ACVR2A: variants seen among roughly 807,000 people sequenced by gnomAD.
ACVR2A encodes the protein activin A receptor type 2A.
A neutral mutation model predicts 61.4 loss-of-function variants in ACVR2A; 7 were observed. The observed-to-expected ratio is 0.11, with a 90% CI of 0.06 to 0.21. The LOEUF is 0.21. Ranked by LOEUF, ACVR2A falls within the 10% of genes least tolerant of loss-of-function variation. The probability of loss-of-function intolerance (pLI) is 1.00; values close to 1 mark genes in which losing one functional copy is unlikely to be tolerated. For synonymous variants in ACVR2A, 193 were observed against 208.3 expected, an observed-to-expected ratio of 0.93 and a Z score of 0.63; for missense variants, 322 against 621.7, an observed-to-expected ratio of 0.52 and a Z score of 5.13.
chr2:147,927,488 T>A lies in ACVR2A; in HGVS notation c.*214T>A. 2.3e-6 allele frequency: 1 copy of A among 443,032 alleles called. No individual in the cohort carries two copies. Among genetic ancestry groups the A allele is most frequent in the Non-Finnish European group, 3.9e-6 (1 of 255,948 alleles). The allele number at this position is 443,032 out of a possible 1,614,324, so 27.4% of individuals were successfully genotyped here. ...AAGGACATGAGACTAAGAGAAACCTTGCAAACTCTATAAAGAAACTTTTGA... is the reference window on the plus strand; with the variant it reads ...AAGGACATGAGACTAAGAGAAACCTAGCAAACTCTATAAAGAAACTTTTGA... On this transcript the variant is annotated 3_prime_UTR_variant, in exon 11 of 11. Coordinates refer to ENST00000241416, the MANE Select transcript of ACVR2A (RefSeq NM_001616.5).
At chr2:147,867,046 A>G (rs986249335) in intron 1 of ACVR2A, among the ~76,000 whole-genome samples, 1 of 152,196 alleles carries the variant, frequency 6.6e-6, no homozygotes, top group South Asian at 2.1e-4. Flanking sequence ...GTTTCATTGT[A>G]AGAAATCTAG....
chr2:147,888,679 T>TGC (rs1483325115), intron 1 of ACVR2A, among the ~76,000 whole-genome samples: 23 of 151,246 alleles, frequency 1.5e-4, no homozygotes, highest in Non-Finnish European at 2.7e-4. Context: ...CTGCTGCTGC[T>TGC]TCTTTTTTTT....
rs764876882 is a variant in ACVR2A, at chr2:147,920,338, T to C, written c.1071T>C (p.His357=). The C allele has an allele frequency of 6.5e-5, 104 of 1,609,506 alleles. No individual in the cohort carries two copies. Among genetic ancestry groups the C allele is most frequent in the Non-Finnish European group, 8.1e-5 (95 of 1,176,636 alleles). ...FEAGKSAGDT[H]GQVGTRRYMA... ...CTGGCAAGTCTGCAGGCGATACCCA[T>C]GGACAGGTAAGGATGATGATTATAA... The change falls in exon 8 of 11, where the codon CAT becomes CAC. Residue 357 remains histidine (H), a synonymous_variant. Transcript: ENST00000241416.
chr2:147,928,276 A>AGAG lies in ACVR2A; in HGVS notation c.*1003_*1005dup, dbSNP rs1687555164. 1.3e-5 allele frequency: 2 copies of AGAG among 152,390 alleles called. No individual in the cohort carries two copies. Among genetic ancestry groups the AGAG allele is most frequent in the African/African-American group, 2.4e-5 (1 of 41,400 alleles). 9.4% of individuals were successfully genotyped at this position (152,390 alleles called of 1,614,324 possible). ...AGCTCTTCATTTTATCTTTTAAAAT[A>AGAG]GAGTTTTTTCTATTTATATATGTAA... On this transcript the variant is annotated 3_prime_UTR_variant, in exon 11 of 11. Coordinates refer to ENST00000241416, the MANE Select transcript of ACVR2A (RefSeq NM_001616.5).
At chr2:147,852,058 A>G (rs1027206859) in intron 1 of ACVR2A, among the ~76,000 whole-genome samples, 7 of 152,024 alleles carry the variant, frequency 4.6e-5, no homozygotes, top group African/African-American at 1.4e-4. Context: ...TTGTTTTGAT[A>G]TCTTTAAGTT....
At chr2:147,907,757 G>T (rs921427507) in intron 4 of ACVR2A, among the ~76,000 whole-genome samples, 1 of 152,152 alleles carries the variant, frequency 6.6e-6, no homozygotes, top group Non-Finnish European at 1.5e-5. Flanking sequence ...TGGGTGTGGT[G>T]GCTCAGACCT....
In ACVR2A at chr2:147,893,723, C is replaced by T. The variant is rs144394177; in HGVS notation, c.56-2578C>T. Reference sequence around the variant, plus strand: ...TCTTTTGCCCATTTAAATAATTGGACAGTGTTTTTTCCTATGATTGACTTG... The same window carrying T: ...TCTTTTGCCCATTTAAATAATTGGATAGTGTTTTTTCCTATGATTGACTTG... On this transcript the variant is annotated intron_variant, in intron 1 of 10. Coordinates refer to ENST00000241416, the MANE Select transcript of ACVR2A (RefSeq NM_001616.5). 3.3e-4 allele frequency among the ~76,000 whole-genome samples: 51 copies of T among 152,240 alleles called. No homozygotes were observed. In the East Asian group the frequency reaches 9.6e-3, roughly 29 times the overall value.
rs184548635 is a variant in ACVR2A at position 147,930,323 on chromosome 2, T to C, written c.*3049T>C. 6.6e-6 allele frequency: 1 copy of C among 151,336 alleles called. No individual in the cohort carries two copies. The highest frequency in any genetic ancestry group is 2.0e-4 in the East Asian group (1 of 5,122). 9.4% of individuals were successfully genotyped at this position (151,336 alleles called of 1,614,324 possible). A position where few individuals can be genotyped will look rare whatever the true frequency, so the allele number is the denominator to read the frequency against. On this transcript the variant is annotated 3_prime_UTR_variant, in exon 11 of 11. Coordinates refer to ENST00000241416, the MANE Select transcript of ACVR2A (RefSeq NM_001616.5). ...AAAAAAAACCATGGCGAGATGGTGG[T>C]TTAGTGGAATAAACTGATTACTGGT...
intron 4 of ACVR2A, among the ~76,000 whole-genome samples, chr2:147,913,519 G>A (rs1029582364): frequency 6.6e-6 from 1 of 151,748 alleles, no homozygotes; most frequent in Non-Finnish European, 1.5e-5. Flanking sequence ...AGGACTGAAT[G>A]GTTTCCTTTC....
intron 9 of ACVR2A, 79 bp from the exon 10 acceptor site, chr2:147,925,952 A>G: frequency 6.9e-7 from 1 of 1,441,780 alleles, no homozygotes; most frequent in Non-Finnish European, 9.5e-7. Context: ...GACAGAGTAT[A>G]TTTTAGAAAG....
chr2:147,902,920 A>G (rs1048603029), intron 4 of ACVR2A: 2 of 152,050 alleles, frequency 1.3e-5, no homozygotes, highest in Admixed American at 1.3e-4. Flanking sequence ...GCTTTTAGAC[A>G]GTGCCATAAC....
intron 4 of ACVR2A, among the ~76,000 whole-genome samples, chr2:147,905,556 TTGTGTG>T (rs775919947): frequency 2.0e-5 from 3 of 151,170 alleles, no homozygotes; most frequent in African/African-American, 7.3e-5. Context: ...GAGCATTCTT[TTGTGTG>T]TGTGTGTGGG....
At chr2:147,857,283 A>C (rs1247845168) in intron 1 of ACVR2A, among the ~76,000 whole-genome samples, 1 of 152,118 alleles carries the variant, frequency 6.6e-6, no homozygotes, top group African/African-American at 2.4e-5. Context: ...TGTAGTTTCT[A>C]GTTAGTCTAG....
At chr2:147,876,045 G>T (rs1301121437) in intron 1 of ACVR2A, among the ~76,000 whole-genome samples, 1 of 152,056 alleles carries the variant, frequency 6.6e-6, no homozygotes, top group Non-Finnish European at 1.5e-5. Flanking sequence ...TTAAGAAAAA[G>T]TACTTACATT....
intron 7 of ACVR2A, 101 bp from the exon 8 acceptor site, chr2:147,920,129 A>G: frequency 1.4e-6 from 1 of 730,190 alleles, no homozygotes; most frequent in South Asian, 1.9e-5. Context: ...TTAAGTAACT[A>G]TTTTTTCATA....
chr2:147,849,296 C>A (rs1047221719), intron 1 of ACVR2A, among the ~76,000 whole-genome samples: 4 of 152,136 alleles, frequency 2.6e-5, no homozygotes, highest in Non-Finnish European at 5.9e-5. Flanking sequence ...TTACTGACAT[C>A]ATTGGGCTGC....
In ACVR2A at chr2:147,858,314, A is replaced by G. The variant is rs190990034; in HGVS notation, c.55+13107A>G. Among the ~76,000 whole-genome samples, 13 of 152,308 alleles carry G rather than the reference A, an allele frequency of 8.5e-5. No homozygotes were observed. The East Asian group carries it at 2.3e-3, about 27-fold the overall frequency. ...AAGGATTGAAGGGAACTATACCAGC[A>G]CTTCGAATTCAGAATTTGTGATGCC... On this transcript the variant is annotated intron_variant, in intron 1 of 10. Coordinates refer to ENST00000241416, the MANE Select transcript of ACVR2A (RefSeq NM_001616.5).
At chr2:147,892,111 A>T (rs1686601738) in intron 1 of ACVR2A, among the ~76,000 whole-genome samples, 1 of 151,946 alleles carries the variant, frequency 6.6e-6, no homozygotes, top group Admixed American at 6.6e-5. Flanking sequence ...AGCTGGGATT[A>T]CAGGTGCGCG....
chr2:147,847,803 A>G (rs1460237390), intron 1 of ACVR2A, among the ~76,000 whole-genome samples: 3 of 152,230 alleles, frequency 2.0e-5, no homozygotes, highest in Non-Finnish European at 4.4e-5. Flanking sequence ...GTTTCAAAAC[A>G]TAAATCTTAG....
Sources: gnomAD v4.1 joint callset for allele counts (sites outside exome capture counted in the v4.1 genomes callset) on GRCh38, gnomAD v4.1.1 for gene constraint, MANE v1.5 for transcripts, NCBI Gene and HGNC (gene_info 2026-07-23, HGNC 2026-07-21) for gene names.